LHFPL2: variants seen among roughly 807,000 people sequenced by gnomAD.
LHFPL2 encodes LHFPL tetraspan subfamily member 2 protein.
Under a neutral mutation model 17.5 loss-of-function variants are expected in LHFPL2, and 7 were observed. The observed-to-expected ratio is 0.40, with a 90% CI of 0.23 to 0.75. LHFPL2 has a LOEUF of 0.75. Ranked by LOEUF, LHFPL2 falls within the 30% of genes least tolerant of loss-of-function variation. LHFPL2 has a pLI of 0.37. For missense variants in LHFPL2, 241 were observed against 294.8 expected (o/e 0.82, Z 1.34); for synonymous variants, 134 against 116.2 (o/e 1.15, Z -0.99).
At chr5:78,529,642 CAA>C (rs71001112) in intron 3 of LHFPL2, among the ~76,000 whole-genome samples, 1 of 136,810 alleles carries the variant, frequency 7.3e-6, no homozygotes, top group African/African-American at 2.8e-5. Context: ...GACTCCGTCT[CAA>C]AAAAAAAAAA....
intron 2 of LHFPL2, among the ~76,000 whole-genome samples, chr5:78,581,652 G>A (rs937312288): frequency 6.6e-6 from 1 of 152,180 alleles, no homozygotes; most frequent in African/African-American, 2.4e-5. Flanking sequence ...ACTTGATCAT[G>A]GTGGATAAGC....
At chr5:78,602,245 T>C (rs1011780440) in intron 2 of LHFPL2, among the ~76,000 whole-genome samples, 13 of 151,770 alleles carry the variant, frequency 8.6e-5, no homozygotes, top group Admixed American at 8.5e-4. Context: ...CCAATGATGT[T>C]GACAACTTCT....
chr5:78,579,526 T>A (rs1743003848), intron 2 of LHFPL2, among the ~76,000 whole-genome samples: 1 of 151,926 alleles, frequency 6.6e-6, no homozygotes, highest in Non-Finnish European at 1.5e-5. Context: ...CAGAGTGTGA[T>A]GTTCCCCTTC....
rs116612200 is a variant in LHFPL2 at position 78,554,217 on chromosome 5, C to G, written c.-186+10596G>C. ...CTGTGCGCGCCTGCTGCACCTCAAG[C>G]CCCCGTTCCTGCACACGCTTACAGC... is the stretch of plus-strand genomic sequence containing the variant. On this transcript the variant is annotated intron_variant, in intron 3 of 4. Coordinates refer to ENST00000380345, the MANE Select transcript of LHFPL2 (RefSeq NM_005779.3). 5.1e-3 allele frequency among the ~76,000 whole-genome samples: 783 copies of G among 152,372 alleles called. 4 individuals carry two copies. Among genetic ancestry groups the G allele is most frequent in the African/African-American group, 0.016 (675 of 41,590 alleles).
At chr5:78,594,010 G>A (rs772118927) in intron 2 of LHFPL2, among the ~76,000 whole-genome samples, 1 of 152,184 alleles carries the variant, frequency 6.6e-6, no homozygotes, top group Non-Finnish European at 1.5e-5. Flanking sequence ...CCAATAACTC[G>A]TAGATAGGAA....
intron 2 of LHFPL2, among the ~76,000 whole-genome samples, chr5:78,620,385 C>A (rs1390167185): frequency 2.6e-5 from 4 of 151,812 alleles, no homozygotes; most frequent in African/African-American, 7.3e-5. Context: ...TGTTTGAGTT[C>A]TTTTTATTTT....
At chr5:78,493,011 C>A (rs890155342) in intron 4 of LHFPL2, among the ~76,000 whole-genome samples, 1 of 152,204 alleles carries the variant, frequency 6.6e-6, no homozygotes, top group Non-Finnish European at 1.5e-5. Context: ...GGGTTTGAAT[C>A]CAGGCTCTGC....
At chr5:78,531,556 C>T (rs1178838683) in intron 3 of LHFPL2, among the ~76,000 whole-genome samples, 3 of 152,192 alleles carry the variant, frequency 2.0e-5, no homozygotes, top group Admixed American at 1.3e-4. Context: ...TTTACCTTGA[C>T]GATTGAGTTT....
rs116272499 is a variant in LHFPL2, at chr5:78,534,801, G to C, written c.-185-24403C>G. On this transcript the variant is annotated intron_variant, in intron 3 of 4. Transcript: ENST00000380345. ...ATCACAGCAAGCTCCTCCACTTCCAGCCACCTTGCCGTCCTGGCAAAACTC... is the reference window on the plus strand; with the variant it reads ...ATCACAGCAAGCTCCTCCACTTCCACCCACCTTGCCGTCCTGGCAAAACTC... Among the ~76,000 whole-genome samples, 426 of 152,262 alleles carry C rather than the reference G, an allele frequency of 2.8e-3. 3 individuals are homozygous for C. The highest frequency in any genetic ancestry group is 9.8e-3 in the African/African-American group (407 of 41,550).
chr5:78,548,156 T>C (rs1756340111), intron 3 of LHFPL2, among the ~76,000 whole-genome samples: 1 of 152,246 alleles, frequency 6.6e-6, no homozygotes, highest in South Asian at 2.1e-4. Context: ...AGCACGGCTG[T>C]AGCATGACTG....
rs556420732 is a variant in LHFPL2 at position 78,509,566 on chromosome 5, A to G, written c.430+218T>C. Among the ~76,000 whole-genome samples the G allele has an allele frequency of 9.2e-5, 14 of 152,354 alleles. 1 individual carries two copies. The highest frequency in any genetic ancestry group is 3.4e-4 in the African/African-American group (14 of 41,584). ...AATGAGGAGGACCACGTAAGACCAG[A>G]GAACAAGCCTGTCTTCCTGTGGGGT... is the stretch of plus-strand genomic sequence containing the variant. On this transcript the variant is annotated intron_variant, in intron 4 of 4. Transcript: ENST00000380345.
chr5:78,534,460 C>A (rs993857446), intron 3 of LHFPL2, among the ~76,000 whole-genome samples: 3 of 152,222 alleles, frequency 2.0e-5, no homozygotes, highest in African/African-American at 7.2e-5. Context: ...GCTGCAGGAC[C>A]CTCACAGCAC....
chr5:78,641,802 C>T (rs1745668135), intron 1 of LHFPL2, among the ~76,000 whole-genome samples: 1 of 151,856 alleles, frequency 6.6e-6, no homozygotes, highest in East Asian at 1.9e-4. Flanking sequence ...TAACCGTATT[C>T]AATATTTTGT....
intron 3 of LHFPL2, among the ~76,000 whole-genome samples, chr5:78,515,527 G>A (rs148170120): frequency 1.3e-5 from 2 of 152,244 alleles, no homozygotes; most frequent in Non-Finnish European, 2.9e-5. Context: ...CTCCATCCCC[G>A]TTTCTTCTGC....
chr5:78,516,742 T>C (rs1283340225), intron 3 of LHFPL2, among the ~76,000 whole-genome samples: 1 of 152,224 alleles, frequency 6.6e-6, no homozygotes, highest in East Asian at 1.9e-4. Flanking sequence ...CTAGTTTGGA[T>C]GTCCAAGATG....
At chr5:78,603,029 T>G (rs973002281) in intron 2 of LHFPL2, among the ~76,000 whole-genome samples, 1 of 152,186 alleles carries the variant, frequency 6.6e-6, no homozygotes, top group African/African-American at 2.4e-5. Context: ...TAGCTGGGAC[T>G]ACAGGCGCGT....
At chr5:78,579,614 T>C (rs1356786368) in intron 2 of LHFPL2, among the ~76,000 whole-genome samples, 4 of 152,070 alleles carry the variant, frequency 2.6e-5, no homozygotes, top group South Asian at 2.1e-4. Context: ...GTTCTTGCGA[T>C]AGTTTACTGA....
intron 2 of LHFPL2, among the ~76,000 whole-genome samples, chr5:78,622,699 T>C (rs1176411620): frequency 2.6e-5 from 4 of 152,218 alleles, no homozygotes; most frequent in African/African-American, 7.2e-5. Context: ...TGGTAAAATA[T>C]TTAAAGGGGC....
chr5:78,511,285 C>T (rs966484764), intron 3 of LHFPL2, among the ~76,000 whole-genome samples: 13 of 152,234 alleles, frequency 8.5e-5, no homozygotes, highest in South Asian at 2.1e-4. Flanking sequence ...GCCTAAGCTT[C>T]GATTCACCCC....
Sources: gnomAD v4.1 joint callset for allele counts (sites outside exome capture counted in the v4.1 genomes callset) on GRCh38, gnomAD v4.1.1 for gene constraint, MANE v1.5 for transcripts, NCBI Gene and HGNC (gene_info 2026-07-23, HGNC 2026-07-21) for gene names.